Variants in AMOTL1 observed in about 807,000 individuals in gnomAD.
The protein encoded by AMOTL1 is angiomotin like 1.
In AMOTL1, 45 loss-of-function variants were observed where a neutral mutation model predicts 102.9. The observed-to-expected ratio is 0.44, with a 90% CI of 0.34 to 0.56. The LOEUF is 0.56. AMOTL1 is among the 20% of genes least tolerant of loss of function. AMOTL1 has a pLI of 0.01. For synonymous variants in AMOTL1, 481 were observed against 484.7 expected (o/e 0.99, Z 0.10); for missense variants, 1,114 against 1,225.6 (o/e 0.91, Z 1.36).
intron 1 of AMOTL1, among the ~76,000 whole-genome samples, chr11:94,778,641 T>C (rs2135528259): frequency 6.6e-6 from 1 of 152,350 alleles, no homozygotes; most frequent in Non-Finnish European, 1.5e-5. Context: ...TTGTTGCAGT[T>C]ACTATTGCAA....
chr11:94,749,813 A>ATACC (rs1950630072), intron 3 of AMOTL1, among the ~76,000 whole-genome samples: 1 of 152,212 alleles, frequency 6.6e-6, no homozygotes, highest in African/African-American at 2.4e-5. Context: ...TTTCTGTCTG[A>ATACC]TACCTCCAAG....
At chr11:94,793,871 T>G (rs1327917742) in intron 1 of AMOTL1, among the ~76,000 whole-genome samples, 20 of 152,226 alleles carry the variant, frequency 1.3e-4, no homozygotes. Flanking sequence ...AAAATTCTTG[T>G]CAGAATCCTT....
upstream of AMOTL1, chr11:94,768,176 C>T (rs1382600204): frequency 2.7e-6 from 2 of 749,230 alleles, no homozygotes; most frequent in East Asian, 2.6e-4. Flanking sequence ...AGCTTGAGCT[C>T]TGGGCAATTT....
intron 3 of AMOTL1, among the ~76,000 whole-genome samples, chr11:94,810,348 A>C (rs1466363000): frequency 6.6e-6 from 1 of 152,208 alleles, no homozygotes; most frequent in Non-Finnish European, 1.5e-5. Flanking sequence ...CTGGGTCTCC[A>C]AAAAGAGAAC....
intron 2 of AMOTL1, among the ~76,000 whole-genome samples, chr11:94,736,137 C>T (rs1028434465): frequency 1.3e-5 from 2 of 152,214 alleles, no homozygotes; most frequent in African/African-American, 4.8e-5. Context: ...CAGGGACTCC[C>T]TCTTGCTGTC....
intron 1 of AMOTL1, 58 bp from the exon 2 acceptor site, chr11:94,794,953 A>G (rs2135560205): frequency 6.6e-7 from 1 of 1,526,630 alleles, no homozygotes; most frequent in Non-Finnish European, 8.8e-7. Context: ...TGTGAGTCAC[A>G]CAGGAAGGAA....
intron 1 of AMOTL1, 75 bp from the exon 2 acceptor site, chr11:94,794,936 G>A: frequency 6.9e-7 from 1 of 1,451,846 alleles, no homozygotes; most frequent in Non-Finnish European, 9.2e-7. Flanking sequence ...AATGCCTGGT[G>A]GGTTCTTGTG....
chr11:94,747,974 CTA>C (rs1206568784), intron 3 of AMOTL1, among the ~76,000 whole-genome samples: 1 of 152,160 alleles, frequency 6.6e-6, no homozygotes, highest in Non-Finnish European at 1.5e-5. Flanking sequence ...AAAATGTAGT[CTA>C]GTTATATGCC....
At chr11:94,710,693 A>G (rs1950010339) in intron 1 of AMOTL1, among the ~76,000 whole-genome samples, 1 of 152,206 alleles carries the variant, frequency 6.6e-6, no homozygotes, top group Non-Finnish European at 1.5e-5. Context: ...TAAGTGTTCA[A>G]TAAATACTTA....
chr11:94,801,638 A>G (rs1951480522), intron 3 of AMOTL1, among the ~76,000 whole-genome samples: 1 of 152,082 alleles, frequency 6.6e-6, no homozygotes. Flanking sequence ...GGCAGGGAGA[A>G]TAGAGGAGCA....
intron 6 of AMOTL1, among the ~76,000 whole-genome samples, chr11:94,833,809 A>T (rs779519795): frequency 2.6e-5 from 4 of 152,226 alleles, no homozygotes; most frequent in Non-Finnish European, 5.9e-5. Context: ...GGGACAGATA[A>T]ACAAATGACA....
Position 94,797,630 on chromosome 11 carries a change from G to A in AMOTL1, c.200-1760G>A, listed in dbSNP as rs767023332. ...GGCTGTAGCAGGAAAGGTTTTACTC[G>A]GAAGGTAGTTTTGGAGCTATCACTT... On this transcript the variant is annotated intron_variant, in intron 2 of 12. Coordinates refer to ENST00000433060, the MANE Select transcript of AMOTL1 (RefSeq NM_130847.3). 3.9e-5 allele frequency among the ~76,000 whole-genome samples: 6 copies of A among 152,222 alleles called. No individual in the cohort carries two copies. The South Asian group carries it at 1.0e-3, about 26-fold the overall frequency.
chr11:94,799,755 C>T lies in AMOTL1; in HGVS notation c.565C>T (p.Pro189Ser). 6.2e-7 allele frequency: 1 copy of T among 1,610,208 alleles called. No individual in the cohort carries two copies. The highest frequency in any genetic ancestry group is 1.1e-5 in the South Asian group (1 of 90,690). ...TQPQQNNEEL[P>S]TYEEAKAQSQ... ...GCCTCAGCAGAACAACGAGGAACTG[C>T]CCACTTACGAGGAGGCCAAAGCACA... Residue 189 changes from proline to serine, a missense_variant, in exon 3 of 13, where the codon CCC (proline) becomes TCC (serine). Pro to Ser is a moderately conservative substitution (Grantham distance 74). Transcript: ENST00000433060. This position sits in a 1 kb window ranked among gnomAD's most constrained non-coding sequence, Gnocchi z 4.5.
intron 1 of AMOTL1, among the ~76,000 whole-genome samples, chr11:94,721,830 G>A (rs1459623843): frequency 6.6e-6 from 1 of 152,098 alleles, no homozygotes; most frequent in Non-Finnish European, 1.5e-5. Context: ...TCTTTCTAAT[G>A]GACAGTGCTG....
At chr11:94,737,458 C>A (rs1180845322) in intron 2 of AMOTL1, among the ~76,000 whole-genome samples, 2 of 152,174 alleles carry the variant, frequency 1.3e-5, no homozygotes, top group East Asian at 3.9e-4. Context: ...CAGTGTGACA[C>A]TCTCTCTCCT....
chr11:94,865,254 TA>T (rs1161580120), intron 10 of AMOTL1, among the ~76,000 whole-genome samples: 5 of 152,166 alleles, frequency 3.3e-5, no homozygotes, highest in Admixed American at 3.3e-4. Context: ...CAGTCCAAAA[TA>T]AAGAACATAT....
rs138008464 is a variant in AMOTL1, at chr11:94,814,225, C to T, written c.1122-7305C>T. ...ATAGTGCTTTCTTGATGCCAGCATACGTCATCAGTGATGGTGACTAGTTAC... is the reference window on the plus strand; with the variant it reads ...ATAGTGCTTTCTTGATGCCAGCATATGTCATCAGTGATGGTGACTAGTTAC... On this transcript the variant is annotated intron_variant, in intron 3 of 12. Coordinates refer to ENST00000433060, the MANE Select transcript of AMOTL1 (RefSeq NM_130847.3). Among the ~76,000 whole-genome samples, 636 of 152,254 alleles carry T rather than the reference C, an allele frequency of 4.2e-3. 12 individuals are homozygous for T. The highest frequency in any genetic ancestry group is 0.035 in the South Asian group (168 of 4,822).
intron 6 of AMOTL1, 92 bp downstream of exon 6, chr11:94,831,633 G>T: frequency 1.7e-6 from 2 of 1,143,266 alleles, no homozygotes; most frequent in South Asian, 2.8e-5. Context: ...TGGGTTTTGT[G>T]CTGTTTGCTT....
intron 1 of AMOTL1, among the ~76,000 whole-genome samples, chr11:94,725,664 C>A (rs1950246270): frequency 6.6e-6 from 1 of 152,002 alleles, no homozygotes; most frequent in Non-Finnish European, 1.5e-5. Flanking sequence ...AGAACCAAGT[C>A]TAAGATGAGA....
Sources: allele counts gnomAD v4.1 joint callset (sites outside exome capture counted in the v4.1 genomes callset), GRCh38; gene constraint gnomAD v4.1.1; non-coding constraint Gnocchi (gnomAD v3.1); transcripts MANE v1.5; gene names NCBI Gene and HGNC (gene_info 2026-07-23, HGNC 2026-07-21).